CD81: variants seen among roughly 807,000 people sequenced by gnomAD.
CD81 encodes CD81 antigen.
Under a neutral mutation model 30.1 loss-of-function variants are expected in CD81, and 10 were observed. That is an observed-to-expected ratio of 0.33 (90% CI 0.21 to 0.56). CD81 has a LOEUF of 0.56. Among genes scored for constraint, CD81 ranks in the 20% least tolerant of loss-of-function variants. CD81 has a pLI of 0.89. For synonymous variants in CD81, 147 were observed against 126.4 expected, an observed-to-expected ratio of 1.16 and a Z score of -1.10; for missense variants, 263 against 308.7, an observed-to-expected ratio of 0.85 and a Z score of 1.11.
At chr11:2,381,691 G>A (rs1849707969) in intron 1 of CD81, among the ~76,000 whole-genome samples, 1 of 152,240 alleles carries the variant, frequency 6.6e-6, no homozygotes, top group Admixed American at 6.5e-5. Context: ...GGCTGGAGAG[G>A]AGCCAGGTGC....
At chr11:2,386,177 C>G in intron 1 of CD81, 1 of 717,296 alleles carries the variant, frequency 1.4e-6, no homozygotes, top group Non-Finnish European at 2.6e-6. Flanking sequence ...TCTTCATGTG[C>G]TTTTTTGCTG....
Position 2,395,940 on chromosome 11 carries a change from G to C in CD81, c.531G>C (p.Ser177=), listed in dbSNP as rs769264464. ...TGCTCAAGAACAATTTGTGTCCCTC[G>C]GGCAGCAACATCATCAGCAACCTCT... The part of the protein sequence containing the change: ...TSVLKNNLCP[S]GSNIISNLFK... The change falls in exon 6 of 8, where the codon TCG becomes TCC. Residue 177 remains serine, a synonymous_variant. Coordinates refer to ENST00000263645, the MANE Select transcript of CD81 (RefSeq NM_004356.4). The C allele has an allele frequency of 1.9e-6, 3 of 1,612,124 alleles. No individual in the cohort carries two copies. The highest frequency in any genetic ancestry group is 1.7e-6 in the Non-Finnish European group (2 of 1,179,508).
chr11:2,397,279 G>A lies in CD81; in HGVS notation c.*413G>A. 2 of 281,822 alleles carry A rather than the reference G, an allele frequency of 7.1e-6. No homozygotes were observed. Among genetic ancestry groups the A allele is most frequent in the South Asian group, 7.5e-5 (2 of 26,540 alleles). The allele number at this position is 281,822 out of a possible 1,614,324, so 17.5% of individuals were successfully genotyped here. ...TGTTCCCTCCTGCCCCGGTTCGAGA[G>A]CCGAGTCTGTGGGCACTCTCTGCCT... is the stretch of plus-strand genomic sequence containing the variant. On this transcript the variant is annotated 3_prime_UTR_variant, in exon 8 of 8. Coordinates refer to ENST00000263645, the MANE Select transcript of CD81 (RefSeq NM_004356.4).
chr11:2,388,866 A>G (rs1452685911), intron 1 of CD81, among the ~76,000 whole-genome samples: 1 of 152,072 alleles, frequency 6.6e-6, no homozygotes, highest in East Asian at 1.9e-4. Flanking sequence ...GGCCCATGGG[A>G]GTCGGATGGT....
At chr11:2,396,501 G>T (rs375859224) in intron 6 of CD81, 127 bp from the exon 7 acceptor site, 9 of 849,250 alleles carry the variant, frequency 1.1e-5, no homozygotes, top group Admixed American at 1.7e-5. Context: ...AGGTGGGTAG[G>T]GGGTGGGGGG....
At chr11:2,387,220 TAG>T (rs1849813293) in intron 1 of CD81, among the ~76,000 whole-genome samples, 1 of 152,078 alleles carries the variant, frequency 6.6e-6, no homozygotes, top group Admixed American at 6.5e-5. Context: ...CTCTGTTTTA[TAG>T]AGGGGGACAC....
At chr11:2,394,822 C>T (rs117834386) in intron 3 of CD81, 150 bp from the exon 4 acceptor site, 10,734 of 752,736 alleles carry the variant, frequency 0.014, 483 homozygotes, top group East Asian at 0.13. Flanking sequence ...CCCCAGGGCT[C>T]CACACAAGCC....
rs1459915143 is a variant in CD81, at chr11:2,397,000, G to A, written c.*134G>A. The A allele has an allele frequency of 2.2e-6, 2 of 898,888 alleles. No individual in the cohort carries two copies. The highest frequency in any genetic ancestry group is 3.5e-6 in the Non-Finnish European group (2 of 569,888). 55.7% of individuals were successfully genotyped at this position (898,888 alleles called of 1,614,324 possible). On this transcript the variant is annotated 3_prime_UTR_variant, in exon 8 of 8. Transcript: ENST00000263645. ...GCTACACGTAGCCTTTTTACTTTTG[G>A]GGTTTTGTTTTTGTTCTGAACTTTC...
Position 2,394,916 on chromosome 11 carries a change from T to C in CD81, c.280-56T>C, listed in dbSNP as rs1220503867. On this transcript the variant is annotated intron_variant, in intron 3 of 7. Transcript: ENST00000263645. ...TGCTGGGCACCTGGGTGTGTGTCCT[T>C]GGGCCCCGCCTACAGCCTGCCCTCT... is the stretch of plus-strand genomic sequence containing the variant. 5.3e-6 allele frequency: 8 copies of C among 1,521,152 alleles called. No individual in the cohort carries two copies. The East Asian group carries it at 1.8e-4, about 34-fold the overall frequency. 94.2% of individuals were successfully genotyped at this position (1,521,152 alleles called of 1,614,324 possible). A position where few individuals can be genotyped will look rare whatever the true frequency, so the allele number is the denominator to read the frequency against.
chr11:2,384,322 G>T (rs535452193), intron 1 of CD81, among the ~76,000 whole-genome samples: 1 of 125,810 alleles, frequency 7.9e-6, no homozygotes, highest in South Asian at 2.7e-4. Flanking sequence ...GGGAGGCGGG[G>T]TGTCTCGGGA....
intron 1 of CD81, chr11:2,390,092 C>T (rs946361479): frequency 4.2e-6 from 2 of 477,440 alleles, no homozygotes; most frequent in Non-Finnish European, 7.7e-6. Context: ...ACACACTTAC[C>T]CTAAAGAAGT....
Position 2,377,699 on chromosome 11 carries a change from CCGCGGGCGCAG to C in CD81, c.66+92_66+102del. On this transcript the variant is annotated intron_variant, in intron 1 of 7. Transcript: ENST00000263645. This position sits in a 1 kb window ranked among gnomAD's most constrained non-coding sequence, Gnocchi z 7.7. ...AGGTCCCGCGGCAGCGTGCTAGGCC[CCGCGGGCGCAG>C]CGCGGGCCGCGAAGTTGTGGGGCCA... is the stretch of plus-strand genomic sequence containing the variant. 1.1e-6 allele frequency: 1 copy of C among 904,302 alleles called. No individual in the cohort carries two copies. Among genetic ancestry groups the C allele is most frequent in the South Asian group, 1.8e-5 (1 of 54,748 alleles). 56.0% of individuals were successfully genotyped at this position (904,302 alleles called of 1,614,324 possible).
At position 2,377,457 on chromosome 11, in the gene CD81, C is replaced by T. The variant is rs1849616847; in HGVS notation, c.-93C>T. On this transcript the variant is annotated 5_prime_UTR_variant, in exon 1 of 8. Coordinates refer to ENST00000263645, the MANE Select transcript of CD81 (RefSeq NM_004356.4). The surrounding 1 kb of genome is among the most constrained non-coding windows in gnomAD (Gnocchi z 7.7). ...CGCCCCCGCCCCTCGGCCCGCCAGG[C>T]CCCCTTGCCGGCCACCCGCCAGGCC... 2 of 351,014 alleles carry T rather than the reference C, an allele frequency of 5.7e-6. No homozygotes were observed. Among genetic ancestry groups the T allele is most frequent in the Non-Finnish European group, 7.9e-6 (2 of 252,692 alleles). The allele number at this position is 351,014 out of a possible 1,614,324, so 21.7% of individuals were successfully genotyped here.
intron 1 of CD81, among the ~76,000 whole-genome samples, chr11:2,388,050 G>C (rs1849827680): frequency 6.6e-6 from 1 of 152,132 alleles, no homozygotes; most frequent in Non-Finnish European, 1.5e-5. Flanking sequence ...CCCCTATGAG[G>C]CTTATTTTAT....
chr11:2,397,041 G>A lies in CD81; in HGVS notation c.*175G>A. 2.9e-6 allele frequency: 2 copies of A among 678,842 alleles called. No homozygotes were observed. Among genetic ancestry groups the A allele is most frequent in the Non-Finnish European group, 5.2e-6 (2 of 384,780 alleles). The allele number at this position is 678,842 out of a possible 1,614,324, so 42.1% of individuals were successfully genotyped here. ...CTGAACTTTCCTGTTACCTTTTCAG[G>A]GCTGACGTCACATGTAGGTGGCGTG... On this transcript the variant is annotated 3_prime_UTR_variant, in exon 8 of 8. Transcript: ENST00000263645.
intron 1 of CD81, among the ~76,000 whole-genome samples, chr11:2,379,003 C>T (rs1002434059): frequency 1.3e-5 from 2 of 152,184 alleles, no homozygotes; most frequent in African/African-American, 4.8e-5. Context: ...CTGCTTGGGA[C>T]GCTGGTGGGA....
rs1184695753 is a variant in CD81 at position 2,397,347 on chromosome 11, CACA to C, written c.*485_*487del. ...CTAACACGTCGCCTTCAACTGTAAT[CACA>C]ACATCCTGACTCCGTCATTTAATAA... On this transcript the variant is annotated 3_prime_UTR_variant, in exon 8 of 8. Coordinates refer to ENST00000263645, the MANE Select transcript of CD81 (RefSeq NM_004356.4). The C allele has an allele frequency of 1.9e-5, 4 of 215,404 alleles. No individual in the cohort carries two copies. Among genetic ancestry groups the C allele is most frequent in the African/African-American group, 4.6e-5 (2 of 43,088 alleles). The allele number at this position is 215,404 out of a possible 1,614,324, so 13.3% of individuals were successfully genotyped here.
At chr11:2,388,336 G>C (rs542661306) in intron 1 of CD81, among the ~76,000 whole-genome samples, 4 of 125,112 alleles carry the variant, frequency 3.2e-5, no homozygotes, top group Admixed American at 7.3e-5. Context: ...CCTCACCGAG[G>C]CCCTAGACCC....
At chr11:2,376,547 A>G (rs1849591054), upstream of CD81, among the ~76,000 whole-genome samples, 1 of 152,208 alleles carries the variant, frequency 6.6e-6, no homozygotes, top group Non-Finnish European at 1.5e-5. Flanking sequence ...ACCTTCCGGA[A>G]GAGCCACGGT....
Sources: gnomAD v4.1 joint callset for allele counts (sites outside exome capture counted in the v4.1 genomes callset) on GRCh38, gnomAD v4.1.1 for gene constraint, Gnocchi (gnomAD v3.1) non-coding constraint, MANE v1.5 for transcripts, NCBI Gene and HGNC (gene_info 2026-07-23, HGNC 2026-07-21) for gene names.